The following DNAH6 variants were observed in gnomAD, a reference collection of about 807,000 sequenced individuals.
DNAH6 encodes axonemal beta dynein heavy chain 6.
A neutral mutation model predicts 491.4 loss-of-function variants in DNAH6; 340 were observed. The observed-to-expected ratio is 0.69, with a 90% CI of 0.63 to 0.76. The LOEUF is 0.76. Ranked by LOEUF, DNAH6 falls within the 30% of genes least tolerant of loss-of-function variation. The probability of loss-of-function intolerance (pLI) is 0.00; values close to 1 mark genes in which losing one functional copy is unlikely to be tolerated. For missense variants in DNAH6, 4,443 were observed against 4,972.2 expected, an observed-to-expected ratio of 0.89 and a Z score of 3.20; for synonymous variants, 1,603 against 1,686.1, an observed-to-expected ratio of 0.95 and a Z score of 1.21.
At chr2:84,780,776 A>G (rs943597541) in intron 64 of DNAH6, among the ~76,000 whole-genome samples, 2 of 139,022 alleles carry the variant, frequency 1.4e-5, no homozygotes, top group Admixed American at 7.0e-5. Flanking sequence ...CATTTCGTTG[A>G]GGCTTTTTTT....
At position 84,727,780 on chromosome 2, in the gene DNAH6, C is replaced by T; in HGVS notation, c.10084C>T (p.Leu3362Phe). 6.4e-7 allele frequency: 1 copy of T among 1,551,492 alleles called. No homozygotes were observed. Residue 3362 changes from leucine to phenylalanine, a missense_variant, in exon 61 of 77, where the codon CTT (leucine) becomes TTT (phenylalanine). Leu to Phe is a conservative substitution (Grantham distance 22, BLOSUM62 0). Coordinates refer to ENST00000389394, the MANE Select transcript of DNAH6 (RefSeq NM_001370.2). ...TGCTTATGTCAATGTTTCAAGAGGACTTTTTGAGCAACATAAACTCATCTA... is the reference window on the plus strand; with the variant it reads ...TGCTTATGTCAATGTTTCAAGAGGATTTTTTGAGCAACATAAACTCATCTA... ...LTAYVNVSRGLFEQHKLIYSF... is the reference protein window; with the variant it reads ...LTAYVNVSRGFFEQHKLIYSF...
At chr2:84,612,004 T>A in intron 22 of DNAH6, 150 bp downstream of exon 22, 1 of 603,720 alleles carries the variant, frequency 1.7e-6, no homozygotes, top group Non-Finnish European at 2.7e-6. Flanking sequence ...CTAGGAATCC[T>A]TGCATTTGAC....
chr2:84,667,815 A>C (rs1335923704), intron 37 of DNAH6, among the ~76,000 whole-genome samples: 4 of 152,260 alleles, frequency 2.6e-5, no homozygotes, highest in Non-Finnish European at 5.9e-5. Flanking sequence ...CACTATTTAC[A>C]ATAGCAAAGA....
intron 60 of DNAH6, among the ~76,000 whole-genome samples, chr2:84,726,215 G>T (rs1698613464): frequency 6.6e-6 from 1 of 152,138 alleles, no homozygotes; most frequent in African/African-American, 2.4e-5. Context: ...GCTTCTAGCT[G>T]CCAGTCTGTT....
rs373070300 is a variant in DNAH6, at chr2:84,731,627, G to A, written c.10207-1817G>A. 2.6e-5 allele frequency among the ~76,000 whole-genome samples: 4 copies of A among 152,326 alleles called. No homozygotes were observed. The South Asian group carries it at 6.2e-4, about 24-fold the overall frequency. ...ACAGATAGTTCCTTATCTCCTCACA[G>A]AGTAACTGACTTCATTTCCAACACA... On this transcript the variant is annotated intron_variant, in intron 61 of 76. Coordinates refer to ENST00000389394, the MANE Select transcript of DNAH6 (RefSeq NM_001370.2).
chr2:84,625,500 TG>T, intron 29 of DNAH6, among the ~76,000 whole-genome samples: 1 of 152,316 alleles, frequency 6.6e-6, no homozygotes, highest in South Asian at 2.1e-4. Context: ...TTTTTGGTCA[TG>T]GGACCCCTTT....
chr2:84,762,551 G>C (rs904850647), intron 63 of DNAH6, among the ~76,000 whole-genome samples: 3 of 152,116 alleles, frequency 2.0e-5, no homozygotes, highest in African/African-American at 7.2e-5. Context: ...CATCCTGCTT[G>C]TGAGTCATGA....
intron 72 of DNAH6, among the ~76,000 whole-genome samples, chr2:84,811,804 T>C (rs1434068260): frequency 6.8e-6 from 1 of 147,848 alleles, no homozygotes; most frequent in African/African-American, 2.5e-5. Context: ...GAGGTTGCAG[T>C]GAGCCGAGAT....
Position 84,634,488 on chromosome 2 carries a change from T to C in DNAH6, c.4516-16T>C. The C allele has an allele frequency of 6.6e-7, 1 of 1,526,066 alleles. No individual in the cohort carries two copies. Among genetic ancestry groups the C allele is most frequent in the Non-Finnish European group, 8.8e-7 (1 of 1,137,602 alleles). The allele number at this position is 1,526,066 out of a possible 1,614,324, so 94.5% of individuals were successfully genotyped here. On this transcript the variant is annotated splice_polypyrimidine_tract_variant and intron_variant, in intron 29 of 76. Coordinates refer to ENST00000389394, the MANE Select transcript of DNAH6 (RefSeq NM_001370.2). ...ACTACACAATACAAAGTTGAACTGC[T>C]TTATTTTGATTTCAGATGATGGGGC...
At position 84,658,479 on chromosome 2, in the gene DNAH6, G is replaced by A; in HGVS notation, c.5940+5G>A. On this transcript the variant is annotated splice_donor_5th_base_variant and intron_variant, in intron 36 of 76. Coordinates refer to ENST00000389394, the MANE Select transcript of DNAH6 (RefSeq NM_001370.2). ...GATGGAGTTAACTTGGCAATGGTATGAAGAGTTTTCTTATTGCTATGAAGC... is the reference window on the plus strand; with the variant it reads ...GATGGAGTTAACTTGGCAATGGTATAAAGAGTTTTCTTATTGCTATGAAGC... 6.8e-7 allele frequency: 1 copy of A among 1,469,306 alleles called. No individual in the cohort carries two copies. Among genetic ancestry groups the A allele is most frequent in the Non-Finnish European group, 9.0e-7 (1 of 1,105,604 alleles). 91.0% of individuals were successfully genotyped at this position (1,469,306 alleles called of 1,614,324 possible).
At chr2:84,558,902 C>A (rs533791774) in intron 11 of DNAH6, among the ~76,000 whole-genome samples, 1 of 152,198 alleles carries the variant, frequency 6.6e-6, no homozygotes, top group Admixed American at 6.5e-5. Context: ...ACTGCAAATG[C>A]CTTTTCTTCT....
intron 11 of DNAH6, among the ~76,000 whole-genome samples, chr2:84,570,791 C>G (rs371525103): frequency 2.0e-5 from 3 of 152,176 alleles, no homozygotes; most frequent in East Asian, 1.9e-4. Flanking sequence ...CCCTTCCACG[C>G]TGTGGAAGGT....
rs186256691 is a variant in DNAH6 at position 84,693,067 on chromosome 2, G to A, written c.7293-1182G>A. On this transcript the variant is annotated intron_variant, in intron 45 of 76. Coordinates refer to ENST00000389394, the MANE Select transcript of DNAH6 (RefSeq NM_001370.2). Reference sequence around the variant, plus strand: ...GTTTTCTTTCTTGATCTTTGGGTCCGTGGGTTCAGTCCCAGTGGTTTCTTC... The same window carrying A: ...GTTTTCTTTCTTGATCTTTGGGTCCATGGGTTCAGTCCCAGTGGTTTCTTC... Among the ~76,000 whole-genome samples, 1,075 of 152,100 alleles carry A rather than the reference G, an allele frequency of 7.1e-3. 9 individuals are homozygous for A. The highest frequency in any genetic ancestry group is 0.012 in the Non-Finnish European group (796 of 67,990).
intron 29 of DNAH6, 83 bp downstream of exon 29, chr2:84,625,146 A>C: frequency 8.1e-7 from 1 of 1,242,010 alleles, no homozygotes; most frequent in Non-Finnish European, 1.1e-6. Flanking sequence ...AAAATAAGGC[A>C]AGAATGGAGT....
intron 49 of DNAH6, 119 bp from the exon 50 acceptor site, chr2:84,703,276 C>G (rs1696102220): frequency 1.4e-6 from 1 of 737,658 alleles, no homozygotes; most frequent in Non-Finnish European, 2.1e-6. Flanking sequence ...TGAATTATTA[C>G]AAACTGATTT....
At chr2:84,497,820 G>C in the DNAH6 span, among the ~76,000 whole-genome samples, 1 of 152,208 alleles carries the variant, frequency 6.6e-6, no homozygotes, top group African/African-American at 2.4e-5. Context: ...AACCAGGTAA[G>C]AGTATTAAGG....
chr2:84,661,673 A>G lies in DNAH6; in HGVS notation c.6084+2504A>G, dbSNP rs533132908. On this transcript the variant is annotated intron_variant, in intron 37 of 76. Transcript: ENST00000389394. ...ATCTGTATAAATGGAGAGATATACT[A>G]TGTTCATGGATTGAGATACTATTAT... Among the ~76,000 whole-genome samples the G allele has an allele frequency of 4.6e-5, 7 of 152,354 alleles. No individual in the cohort carries two copies. The East Asian group carries it at 1.3e-3, about 29-fold the overall frequency.
intron 68 of DNAH6, among the ~76,000 whole-genome samples, chr2:84,794,125 T>C (rs1039651610): frequency 1.3e-5 from 2 of 152,180 alleles, no homozygotes; most frequent in South Asian, 2.1e-4. Flanking sequence ...GCTAGCCATA[T>C]GCAGAAAGCT....
Position 84,785,746 on chromosome 2 carries a change from C to A in DNAH6, c.11090C>A (p.Ala3697Glu). Reference sequence around the variant, plus strand: ...ATATTTGGCATTTGTTTCTTCCATGCAATTATTCAGGTACACTCAACTCTG... The same window carrying A: ...ATATTTGGCATTTGTTTCTTCCATGAAATTATTCAGGTACACTCAACTCTG... ...QIIFGICFFH[A>E]IIQERKKFGP... The change falls in exon 67 of 77, where the codon GCA becomes GAA. Residue 3697 changes from alanine to glutamate, a missense_variant. Physicochemically the swap from Ala to Glu is moderately radical, Grantham distance 107. Coordinates refer to ENST00000389394, the MANE Select transcript of DNAH6 (RefSeq NM_001370.2). 6.5e-7 allele frequency: 1 copy of A among 1,538,666 alleles called. No individual in the cohort carries two copies. The highest frequency in any genetic ancestry group is 8.8e-7 in the Non-Finnish European group (1 of 1,141,972).
Sources: allele counts gnomAD v4.1 joint callset (sites outside exome capture counted in the v4.1 genomes callset), GRCh38; gene constraint gnomAD v4.1.1; transcripts MANE v1.5; gene names NCBI Gene and HGNC (gene_info 2026-07-23, HGNC 2026-07-21).